The following NCAPG2 variants were observed in gnomAD, a reference collection of about 807,000 sequenced individuals.
NCAPG2 encodes the protein non-SMC condensin II complex subunit G2.
A neutral mutation model predicts 141.1 loss-of-function variants in NCAPG2; 53 were observed. The ratio of observed to expected loss-of-function variants is 0.38; its 90% CI spans 0.30 to 0.47. NCAPG2 has a LOEUF of 0.47. Among genes scored for constraint, NCAPG2 ranks in the 20% least tolerant of loss-of-function variants. The pLI is 0.99. For missense variants in NCAPG2, 1,087 were observed against 1,389.0 expected, an observed-to-expected ratio of 0.78 and a Z score of 3.46; for synonymous variants, 499 against 490.7, an observed-to-expected ratio of 1.02 and a Z score of -0.22.
chr7:158,656,488 T>C (rs1015315440), intron 18 of NCAPG2, 55 bp from the exon 19 acceptor site: 4 of 1,609,822 alleles, frequency 2.5e-6, no homozygotes, highest in African/African-American at 2.7e-5. Context: ...TAGAAAAGCA[T>C]GTAATTTCTA....
intron 2 of NCAPG2, chr7:158,696,790 T>TTCCCATTC (rs1330296226): frequency 1.3e-5 from 2 of 152,256 alleles, no homozygotes; most frequent in Admixed American, 6.5e-5. Flanking sequence ...GGCTCGGCCT[T>TTCCCATTC]TCCCATTCCT....
At chr7:158,654,469 G>T in intron 22 of NCAPG2, 126 bp downstream of exon 22, 3 of 922,116 alleles carry the variant, frequency 3.3e-6, no homozygotes, top group Non-Finnish European at 1.6e-6. Context: ...TCCCTTTTTT[G>T]GGATATGCCA....
At chr7:158,636,011 T>C (rs1830169830) in intron 27 of NCAPG2, among the ~76,000 whole-genome samples, 1 of 152,232 alleles carries the variant, frequency 6.6e-6, no homozygotes, top group African/African-American at 2.4e-5. Flanking sequence ...AGTTTGCTTC[T>C]TGCATATTTA....
chr7:158,653,790 A>C (rs1333032768), intron 22 of NCAPG2, among the ~76,000 whole-genome samples: 1 of 152,246 alleles, frequency 6.6e-6, no homozygotes. Context: ...GTCAACATCA[A>C]ATGTTGAGGC....
At chr7:158,643,904 G>A (rs1179579173) in intron 27 of NCAPG2, among the ~76,000 whole-genome samples, 3 of 152,212 alleles carry the variant, frequency 2.0e-5, no homozygotes, top group Non-Finnish European at 4.4e-5. Flanking sequence ...ACACATCTCA[G>A]AGGCTCTGGA....
At chr7:158,648,636 C>G (rs1831224986) in intron 24 of NCAPG2, among the ~76,000 whole-genome samples, 1 of 78,214 alleles carries the variant, frequency 1.3e-5, no homozygotes, top group South Asian at 4.6e-4. Context: ...GCCAAATGGA[C>G]CACAACCACG....
At chr7:158,637,122 TA>T (rs1464387205) in intron 27 of NCAPG2, among the ~76,000 whole-genome samples, 1 of 152,094 alleles carries the variant, frequency 6.6e-6, no homozygotes, top group East Asian at 1.9e-4. Context: ...TAATTTTTTA[TA>T]TTTTTAGTAG....
At chr7:158,686,286 TATTC>T in intron 7 of NCAPG2, 45 bp from the exon 8 acceptor site, 1 of 1,178,170 alleles carries the variant, frequency 8.5e-7, no homozygotes, top group South Asian at 1.5e-5. Flanking sequence ...TTTTAAGAAT[TATTC>T]TTTCAACATG....
At chr7:158,659,561 G>A (rs757619789) in intron 16 of NCAPG2, among the ~76,000 whole-genome samples, 5 of 152,058 alleles carry the variant, frequency 3.3e-5, no homozygotes, top group African/African-American at 1.2e-4. Context: ...TCAGTGCTTA[G>A]TAAATTGCAG....
chr7:158,656,583 T>G lies in NCAPG2; in HGVS notation c.2183A>C (p.Asn728Thr), dbSNP rs760394084. 1 of 1,614,114 alleles carries G rather than the reference T, an allele frequency of 6.2e-7. No individual in the cohort carries two copies. The highest frequency in any genetic ancestry group is 2.2e-5 in the East Asian group (1 of 44,880). Residue 728 changes from asparagine (N) to threonine (T), a missense_variant, in exon 18 of 28, where the codon AAC becomes ACC. By Grantham distance (65) the Asn-to-Thr change is moderately conservative. Transcript: ENST00000356309. Reference protein sequence around the residue: ...QVGHILELVDNWLPTEHAQAK... With the variant: ...QVGHILELVDTWLPTEHAQAK... Reference sequence around the variant, plus strand: ...CTGGGCATGCTCTGTGGGCAGCCAGTTGTCAACAAGCTCCAGAATGTGCCC... The same window carrying G: ...CTGGGCATGCTCTGTGGGCAGCCAGGTGTCAACAAGCTCCAGAATGTGCCC...
At chr7:158,674,028 G>A (rs1253561543) in intron 12 of NCAPG2, among the ~76,000 whole-genome samples, 2 of 152,206 alleles carry the variant, frequency 1.3e-5, no homozygotes, top group Non-Finnish European at 2.9e-5. Context: ...AGGAAATGGA[G>A]ATAGACTATT....
intron 11 of NCAPG2, among the ~76,000 whole-genome samples, chr7:158,679,397 C>T (rs1020781992): frequency 1.3e-5 from 2 of 152,228 alleles, no homozygotes; most frequent in Non-Finnish European, 2.9e-5. Context: ...GAAATAAATG[C>T]CGCATCTTAA....
intron 8 of NCAPG2, among the ~76,000 whole-genome samples, chr7:158,685,029 G>A (rs1314857542): frequency 1.3e-5 from 2 of 152,356 alleles, no homozygotes; most frequent in East Asian, 1.9e-4. Context: ...GGAATGAAAA[G>A]TCAGGATAGA....
chr7:158,664,845 A>G, intron 13 of NCAPG2, 95 bp from the exon 14 acceptor site: 1 of 1,023,812 alleles, frequency 9.8e-7, no homozygotes. Flanking sequence ...CCAAAAAAGG[A>G]ACTAATTTTT....
At chr7:158,646,647 A>T in intron 24 of NCAPG2, 84 bp from the exon 25 acceptor site, 1 of 853,572 alleles carries the variant, frequency 1.2e-6, no homozygotes, top group Non-Finnish European at 1.8e-6. Context: ...TTTCTTCAAC[A>T]CCTAAGAAAA....
chr7:158,662,138 T>C (rs1353088704), intron 16 of NCAPG2, 56 bp downstream of exon 16: 1 of 1,482,730 alleles, frequency 6.7e-7, no homozygotes, highest in Non-Finnish European at 9.0e-7. Flanking sequence ...TTTTGTTAAA[T>C]TCTAAACAAA....
chr7:158,631,342 C>A lies in NCAPG2; in HGVS notation c.*324G>T. 3.5e-6 allele frequency: 1 copy of A among 287,958 alleles called. No individual in the cohort carries two copies. The highest frequency in any genetic ancestry group is 6.3e-6 in the Non-Finnish European group (1 of 157,584). 17.8% of individuals were successfully genotyped at this position (287,958 alleles called of 1,614,324 possible). The stretch of plus-strand genomic sequence containing the variant: ...GTCATTGCTTTATTACTCATAGTTT[C>A]CAAGCAATATTACATATATAAAAGT... On this transcript the variant is annotated 3_prime_UTR_variant, in exon 28 of 28. Coordinates refer to ENST00000356309, the MANE Select transcript of NCAPG2 (RefSeq NM_017760.7).
chr7:158,674,247 C>T (rs1298848618), intron 12 of NCAPG2, among the ~76,000 whole-genome samples: 1 of 151,438 alleles, frequency 6.6e-6, no homozygotes, highest in African/African-American at 2.4e-5. Context: ...AGGAAGGACA[C>T]TGCTGAGAGG....
In NCAPG2 at chr7:158,692,473, C is replaced by T. The variant is rs11979463; in HGVS notation, c.382+369G>A. ...CATGAAAACAACTAGTTTCCTTTTA[C>T]AAAGTATCATTTCAGGCCAGCCACG... On this transcript the variant is annotated intron_variant, in intron 4 of 27. Transcript: ENST00000356309. Among the ~76,000 whole-genome samples, 1,290 of 152,286 alleles carry T rather than the reference C, an allele frequency of 8.5e-3. 14 individuals carry two copies. Among genetic ancestry groups the T allele is most frequent in the African/African-American group, 0.029 (1,218 of 41,562 alleles).
Sources: gnomAD v4.1 joint callset for allele counts (sites outside exome capture counted in the v4.1 genomes callset) on GRCh38, gnomAD v4.1.1 for gene constraint, MANE v1.5 for transcripts, NCBI Gene and HGNC (gene_info 2026-07-23, HGNC 2026-07-21) for gene names.